Variants in PTPRN2 observed in about 807,000 individuals in gnomAD.
The protein encoded by PTPRN2 is protein tyrosine phosphatase receptor type N2, also known as receptor-type tyrosine-protein phosphatase N2.
In PTPRN2, 74 loss-of-function variants were observed where a neutral mutation model predicts 118.8. The ratio of observed to expected loss-of-function variants is 0.62; its 90% confidence interval spans 0.52 to 0.76. PTPRN2 has a LOEUF of 0.76. Among genes scored for constraint, PTPRN2 ranks in the 30% least tolerant of loss-of-function variants. PTPRN2 has a pLI of 0.00. For missense variants in PTPRN2, 1,481 were observed against 1,394.4 expected (o/e 1.06, Z -0.99); for synonymous variants, 641 against 608.0 (o/e 1.05, Z -0.80).
chr7:157,623,110 C>T (rs914653681), intron 14 of PTPRN2, among the ~76,000 whole-genome samples: 1 of 152,226 alleles, frequency 6.6e-6, no homozygotes, highest in East Asian at 1.9e-4. Flanking sequence ...GGAAATGCTA[C>T]ACATTCTTTC....
chr7:158,175,157 A>C (rs1262743169), intron 5 of PTPRN2, among the ~76,000 whole-genome samples: 21 of 152,234 alleles, frequency 1.4e-4, no homozygotes. Flanking sequence ...AAGTTGGGAC[A>C]TCTTTTGACC....
At chr7:158,387,577 A>ACTCTCTGGTTCCTGGGGG (rs1586542379) in intron 2 of PTPRN2, among the ~76,000 whole-genome samples, 1 of 151,184 alleles carries the variant, frequency 6.6e-6, no homozygotes. Context: ...CTGTCAGCTC[A>ACTCTCTGGTTCCTGGGGG]GCTTGGCCCG....
intron 12 of PTPRN2, among the ~76,000 whole-genome samples, chr7:157,839,250 C>G (rs1000714202): frequency 1.1e-4 from 17 of 152,208 alleles, no homozygotes; most frequent in African/African-American, 4.1e-4. Flanking sequence ...GTATGTGTAT[C>G]TGAGTGTGTT....
At chr7:157,985,500 TATG>T (rs1803714462) in intron 11 of PTPRN2, among the ~76,000 whole-genome samples, 1 of 152,186 alleles carries the variant, frequency 6.6e-6, no homozygotes, top group African/African-American at 2.4e-5. Context: ...CATATCACAC[TATG>T]TCACTCAAAA....
chr7:158,046,445 GCTGCGATCCTGGCATCCTGACA>G (rs1808884118), intron 11 of PTPRN2, among the ~76,000 whole-genome samples: 1 of 147,400 alleles, frequency 6.8e-6, no homozygotes, highest in South Asian at 2.2e-4. Flanking sequence ...GCATCCTGAC[GCTGCGATCCTGGCATCCTGACA>G]CTGCAATCCT....
chr7:157,989,901 T>C (rs1336445532), intron 11 of PTPRN2, among the ~76,000 whole-genome samples: 2 of 151,474 alleles, frequency 1.3e-5, no homozygotes, highest in Non-Finnish European at 2.9e-5. Context: ...CACCCCGCCC[T>C]GCCCAGGGCT....
intron 2 of PTPRN2, among the ~76,000 whole-genome samples, chr7:158,337,361 C>T (rs1377381722): frequency 1.7e-5 from 1 of 58,820 alleles, no homozygotes; most frequent in Admixed American, 1.9e-4. Flanking sequence ...TGCAGACGTC[C>T]CTCACACCCA....
intron 12 of PTPRN2, among the ~76,000 whole-genome samples, chr7:157,737,311 G>A (rs1478739948): frequency 1.3e-5 from 2 of 152,244 alleles, no homozygotes; most frequent in African/African-American, 2.4e-5. Context: ...GCCCCCAGCA[G>A]TGTTCCTGTG....
intron 2 of PTPRN2, among the ~76,000 whole-genome samples, chr7:158,339,992 G>T (rs1443206433): frequency 1.3e-5 from 1 of 79,370 alleles, no homozygotes. Context: ...GCTGTCGCCC[G>T]CAGAAGTCAC....
intron 11 of PTPRN2, among the ~76,000 whole-genome samples, chr7:158,042,342 C>T (rs916117700): frequency 6.6e-6 from 1 of 152,126 alleles, no homozygotes; most frequent in Admixed American, 6.5e-5. Flanking sequence ...TTCAGTGTTC[C>T]CATCAATGGT....
intron 11 of PTPRN2, among the ~76,000 whole-genome samples, chr7:157,979,099 C>T (rs549382086): frequency 6.6e-5 from 10 of 152,034 alleles, no homozygotes; most frequent in Admixed American, 1.3e-4. Flanking sequence ...CATCTCCCAT[C>T]GCCCCCGCGG....
At chr7:157,547,865 A>T (rs1448647694) in intron 22 of PTPRN2, among the ~76,000 whole-genome samples, 1 of 151,524 alleles carries the variant, frequency 6.6e-6, no homozygotes, top group South Asian at 2.1e-4. Flanking sequence ...ACAGCCGTGA[A>T]GCGTCCCGGA....
At chr7:157,728,095 C>A (rs1262665631) in intron 12 of PTPRN2, among the ~76,000 whole-genome samples, 1 of 152,184 alleles carries the variant, frequency 6.6e-6, no homozygotes, top group African/African-American at 2.4e-5. Flanking sequence ...CCGGTGGGTA[C>A]CCAGCGAGGG....
intron 3 of PTPRN2, among the ~76,000 whole-genome samples, chr7:158,270,406 G>A (rs535058467): frequency 1.5e-3 from 232 of 152,264 alleles, no homozygotes; most frequent in African/African-American, 5.2e-3. Flanking sequence ...CCATGTCACT[G>A]GTGACTGGTC....
intron 1 of PTPRN2, among the ~76,000 whole-genome samples, chr7:158,557,419 G>T (rs145106149): frequency 0.015 from 2,296 of 152,390 alleles, 23 homozygotes; most frequent in Non-Finnish European, 0.026. Flanking sequence ...CAGCTCCCGT[G>T]CAGGTTAGAC....
intron 11 of PTPRN2, among the ~76,000 whole-genome samples, chr7:158,066,926 A>C (rs551667864): frequency 6.6e-6 from 1 of 152,328 alleles, no homozygotes; most frequent in South Asian, 2.1e-4. Flanking sequence ...CGAAATCTTA[A>C]GCAGATTTTC....
At chr7:157,569,091 G>T in intron 20 of PTPRN2, 125 bp from the exon 21 acceptor site, 1 of 932,414 alleles carries the variant, frequency 1.1e-6, no homozygotes, top group Non-Finnish European at 1.7e-6. Context: ...GATGGCGGAT[G>T]TGAGAGGGGG....
At chr7:157,700,646 G>A (rs1798019157) in intron 12 of PTPRN2, among the ~76,000 whole-genome samples, 1 of 152,100 alleles carries the variant, frequency 6.6e-6, no homozygotes, top group African/African-American at 2.4e-5. Context: ...TCTCTACCTT[G>A]TCCACTGGAA....
chr7:158,282,651 G>A (rs933803967), intron 3 of PTPRN2, among the ~76,000 whole-genome samples: 2 of 151,798 alleles, frequency 1.3e-5, no homozygotes, highest in Admixed American at 6.6e-5. Flanking sequence ...ACACAGCAGC[G>A]AGACACAAAC....
Sources: allele counts gnomAD v4.1 joint callset (sites outside exome capture counted in the v4.1 genomes callset), GRCh38; gene constraint gnomAD v4.1.1; transcripts MANE v1.5; gene names NCBI Gene and HGNC (gene_info 2026-07-23, HGNC 2026-07-21).